Variants in SGCZ observed in about 807,000 individuals in gnomAD.
SGCZ encodes zeta-sarcoglycan.
In SGCZ, 40 loss-of-function variants were observed where a neutral mutation model predicts 41.3. That is an observed-to-expected ratio of 0.97 (90% CI 0.75 to 1.26). The LOEUF (loss-of-function observed/expected upper bound fraction) is 1.26, where lower values mean the gene tolerates loss of function less well. SGCZ is among the 50% of genes most tolerant of loss of function. The probability of loss-of-function intolerance (pLI) is 0.00; values close to 1 mark genes in which losing one functional copy is unlikely to be tolerated. For missense variants in SGCZ, 552 were observed against 369.8 expected (o/e 1.49, Z -4.04); for synonymous variants, 206 against 137.5 (o/e 1.50, Z -3.49).
intron 1 of SGCZ, among the ~76,000 whole-genome samples, chr8:14,799,362 T>C (rs1801239988): frequency 6.6e-6 from 1 of 152,196 alleles, no homozygotes; most frequent in South Asian, 2.1e-4. Flanking sequence ...AAAGATTCAC[T>C]TTAAGAAAAA....
intron 1 of SGCZ, among the ~76,000 whole-genome samples, chr8:15,095,022 G>A (rs1445865321): frequency 1.3e-5 from 2 of 152,140 alleles, no homozygotes; most frequent in East Asian, 1.9e-4. Flanking sequence ...CACCCAAAAC[G>A]AATGCACTCT....
chr8:14,363,544 T>A (rs1416601733), intron 2 of SGCZ, among the ~76,000 whole-genome samples: 1 of 152,100 alleles, frequency 6.6e-6, no homozygotes, highest in Non-Finnish European at 1.5e-5. Context: ...CTTCTTTTTT[T>A]TTCCCCCAAG....
At chr8:14,325,160 G>A (rs1003201549) in intron 2 of SGCZ, among the ~76,000 whole-genome samples, 1 of 152,092 alleles carries the variant, frequency 6.6e-6, no homozygotes, top group Non-Finnish European at 1.5e-5. Flanking sequence ...TTGGAGGCAG[G>A]CTTCAAGAAG....
intron 1 of SGCZ, among the ~76,000 whole-genome samples, chr8:15,182,542 A>G (rs1800208219): frequency 6.6e-6 from 1 of 152,210 alleles, no homozygotes; most frequent in Non-Finnish European, 1.5e-5. Flanking sequence ...ATCTAAACAT[A>G]AAAAGGTACA....
chr8:14,937,589 G>A (rs956517295), intron 1 of SGCZ, among the ~76,000 whole-genome samples: 2 of 152,008 alleles, frequency 1.3e-5, no homozygotes, highest in African/African-American at 4.8e-5. Flanking sequence ...ACTAACTCAT[G>A]AACATATATA....
intron 2 of SGCZ, among the ~76,000 whole-genome samples, chr8:14,395,769 G>C (rs950684094): frequency 5.3e-5 from 8 of 152,172 alleles, no homozygotes; most frequent in African/African-American, 1.2e-4. Flanking sequence ...CTCAGAGCAA[G>C]TATCAGGATA....
intron 6 of SGCZ, among the ~76,000 whole-genome samples, chr8:14,103,989 T>G (rs886622712): frequency 6.6e-6 from 1 of 152,214 alleles, no homozygotes; most frequent in African/African-American, 2.4e-5. Context: ...CAACACAGTA[T>G]CAACAATTAA....
At position 14,384,531 on chromosome 8, in the gene SGCZ, G is replaced by C. The variant is rs375336653; in HGVS notation, c.235-60327C>G. On this transcript the variant is annotated intron_variant, in intron 2 of 7. Coordinates refer to ENST00000382080, the MANE Select transcript of SGCZ (RefSeq NM_139167.4). ...ATTTAAAAAATAATCCTTTAGCTAT[G>C]TCTAATTACTTGTATTATGATTACT... is the stretch of plus-strand genomic sequence containing the variant. Among the ~76,000 whole-genome samples the C allele has an allele frequency of 6.6e-5, 10 of 152,238 alleles. No homozygotes were observed. The South Asian group carries it at 1.0e-3, about 16-fold the overall frequency.
At chr8:14,352,705 G>C (rs1329816411) in intron 2 of SGCZ, among the ~76,000 whole-genome samples, 1 of 151,968 alleles carries the variant, frequency 6.6e-6, no homozygotes, top group Non-Finnish European at 1.5e-5. Flanking sequence ...TTCTCAACTA[G>C]GGCAAATTCT....
At chr8:15,159,925 AG>A (rs1289956855) in intron 1 of SGCZ, among the ~76,000 whole-genome samples, 4 of 151,818 alleles carry the variant, frequency 2.6e-5, no homozygotes, top group African/African-American at 9.7e-5. Context: ...ATAGGCACTT[AG>A]GGGGAAAAAG....
At chr8:15,112,122 G>A (rs1416589512) in intron 1 of SGCZ, among the ~76,000 whole-genome samples, 7 of 152,090 alleles carry the variant, frequency 4.6e-5, no homozygotes, top group Non-Finnish European at 8.8e-5. Flanking sequence ...CAACTAAAAT[G>A]TTCACATCTA....
At chr8:14,299,049 A>G (rs1388206918) in intron 3 of SGCZ, among the ~76,000 whole-genome samples, 1 of 152,072 alleles carries the variant, frequency 6.6e-6, no homozygotes, top group Non-Finnish European at 1.5e-5. Context: ...CTTGTAACAA[A>G]AACTGATTTT....
At chr8:14,686,668 T>C (rs1348709319) in intron 1 of SGCZ, among the ~76,000 whole-genome samples, 1 of 152,052 alleles carries the variant, frequency 6.6e-6, no homozygotes, top group Non-Finnish European at 1.5e-5. Context: ...TTTAGACATG[T>C]TGCAGGGGCT....
intron 3 of SGCZ, among the ~76,000 whole-genome samples, chr8:14,320,314 C>A (rs983361210): frequency 6.6e-6 from 1 of 151,568 alleles, no homozygotes; most frequent in Non-Finnish European, 1.5e-5. Flanking sequence ...AAGAAAGAAA[C>A]CTAAATAGAC....
intron 2 of SGCZ, among the ~76,000 whole-genome samples, chr8:14,444,278 G>A (rs1304437602): frequency 6.6e-6 from 1 of 152,118 alleles, no homozygotes; most frequent in Non-Finnish European, 1.5e-5. Context: ...TCTAGAACTA[G>A]AAATACCATT....
At chr8:14,506,432 T>C (rs1260336107) in intron 2 of SGCZ, among the ~76,000 whole-genome samples, 1 of 151,946 alleles carries the variant, frequency 6.6e-6, no homozygotes, top group African/African-American at 2.4e-5. Flanking sequence ...TACGGTATTA[T>C]CCTATTGCCA....
At chr8:14,199,343 C>G (rs187311725) in intron 4 of SGCZ, among the ~76,000 whole-genome samples, 2 of 152,148 alleles carry the variant, frequency 1.3e-5, no homozygotes, top group African/African-American at 4.8e-5. Flanking sequence ...TTTGGTCAGA[C>G]TGGTTGTCTG....
chr8:14,117,105 A>G (rs1403782139), intron 5 of SGCZ, among the ~76,000 whole-genome samples: 5 of 152,106 alleles, frequency 3.3e-5, no homozygotes, highest in African/African-American at 4.8e-5. Context: ...TGGTCGTCCT[A>G]TGACCTACAA....
rs56282129 is a variant in SGCZ at position 14,362,693 on chromosome 8, G to A, written c.235-38489C>T. ...CATGCTGCTTTGGCTCACCCTCTGCGGGCTGCACCCACTCACCAACCAGTC... is the reference window on the plus strand; with the variant it reads ...CATGCTGCTTTGGCTCACCCTCTGCAGGCTGCACCCACTCACCAACCAGTC... On this transcript the variant is annotated intron_variant, in intron 2 of 7. Transcript: ENST00000382080. 2.7e-3 allele frequency among the ~76,000 whole-genome samples: 404 copies of A among 152,218 alleles called. 1 individual carries two copies. Among genetic ancestry groups the A allele is most frequent in the African/African-American group, 9.0e-3 (373 of 41,538 alleles).
Sources: gnomAD v4.1 joint callset for allele counts (sites outside exome capture counted in the v4.1 genomes callset) on GRCh38, gnomAD v4.1.1 for gene constraint, MANE v1.5 for transcripts, NCBI Gene and HGNC (gene_info 2026-07-23, HGNC 2026-07-21) for gene names.